The following STPG2 variants were observed in gnomAD, a reference collection of about 807,000 sequenced individuals.
The protein encoded by STPG2 is sperm-tail PG-rich repeat-containing protein 2.
A neutral mutation model predicts 54.2 loss-of-function variants in STPG2; 56 were observed. That is an observed-to-expected ratio of 1.03 (90% confidence interval 0.83 to 1.29). The LOEUF is 1.29. Among genes scored for constraint, STPG2 ranks in the 50% most tolerant of loss-of-function variants. The probability of loss-of-function intolerance (pLI) is 0.00; values close to 1 mark genes in which losing one functional copy is unlikely to be tolerated. For synonymous variants in STPG2, 200 were observed against 181.8 expected, an observed-to-expected ratio of 1.10 and a Z score of -0.81; for missense variants, 596 against 544.9, an observed-to-expected ratio of 1.09 and a Z score of -0.93.
At chr4:98,129,473 CTAAGT>C (rs1313057544) in intron 2 of STPG2, among the ~76,000 whole-genome samples, 2 of 134,290 alleles carry the variant, frequency 1.5e-5, no homozygotes, top group African/African-American at 2.8e-5. Context: ...ATGAATATAG[CTAAGT>C]TATGTGAAAT....
rs953780182 is a variant in STPG2 at position 97,571,402 on chromosome 4, G to A, written c.1321-12285C>T. On this transcript the variant is annotated intron_variant, in intron 10 of 10. Coordinates refer to ENST00000295268, the MANE Select transcript of STPG2 (RefSeq NM_174952.3). ...CCATGAAGGGAAGTGGAGGTCGAAC[G>A]TGCCTCATTATACCTCTACGGCACT... Among the ~76,000 whole-genome samples the A allele has an allele frequency of 1.4e-4, 22 of 152,166 alleles. 1 individual carries two copies. The highest frequency in any genetic ancestry group is 4.8e-4 in the African/African-American group (20 of 41,524).
intron 4 of STPG2, among the ~76,000 whole-genome samples, chr4:97,453,568 T>C (rs912402769): frequency 6.6e-6 from 1 of 152,190 alleles, no homozygotes; most frequent in Non-Finnish European, 1.5e-5. Context: ...GCTGAAATTT[T>C]CAAAGAATTA....
chr4:97,665,026 A>G (rs992781374), intron 10 of STPG2, among the ~76,000 whole-genome samples: 1 of 152,098 alleles, frequency 6.6e-6, no homozygotes. Flanking sequence ...TGGCTGGACC[A>G]GGTGTACTGT....
At chr4:98,064,532 T>C (rs1035084557) in intron 5 of STPG2, among the ~76,000 whole-genome samples, 4 of 152,212 alleles carry the variant, frequency 2.6e-5, no homozygotes, top group African/African-American at 4.8e-5. Flanking sequence ...ACAGATTCCT[T>C]ATATTCAAAC....
chr4:97,814,383 C>A (rs983831215), intron 9 of STPG2, among the ~76,000 whole-genome samples: 1 of 152,092 alleles, frequency 6.6e-6, no homozygotes, highest in Non-Finnish European at 1.5e-5. Flanking sequence ...GGCTGGAGTG[C>A]AGTGGTGCAA....
intron 9 of STPG2, among the ~76,000 whole-genome samples, chr4:97,793,249 A>T (rs777181034): frequency 6.6e-6 from 1 of 152,096 alleles, no homozygotes; most frequent in Non-Finnish European, 1.5e-5. Flanking sequence ...TTTTCTGCTA[A>T]CAACTATGTA....
At chr4:98,019,374 A>G (rs1736091081) in intron 5 of STPG2, among the ~76,000 whole-genome samples, 1 of 152,056 alleles carries the variant, frequency 6.6e-6, no homozygotes, top group South Asian at 2.1e-4. Flanking sequence ...CCATTGATCT[A>G]TATCTCTGTT....
intron 10 of STPG2, among the ~76,000 whole-genome samples, chr4:97,693,638 C>CT (rs915937668): frequency 2.0e-5 from 3 of 152,054 alleles, no homozygotes; most frequent in Admixed American, 6.6e-5. Flanking sequence ...GACAGATGGA[C>CT]TTAAACTGTA....
chr4:97,734,707 T>C (rs1381921670), intron 9 of STPG2, among the ~76,000 whole-genome samples: 1 of 152,110 alleles, frequency 6.6e-6, no homozygotes, highest in Admixed American at 6.6e-5. Flanking sequence ...TGGCAATGAT[T>C]TTTTTGGCTA....
intron 10 of STPG2, among the ~76,000 whole-genome samples, chr4:97,635,736 G>C (rs925442905): frequency 6.6e-6 from 1 of 150,460 alleles, no homozygotes; most frequent in African/African-American, 2.4e-5. Flanking sequence ...GATCGAAAGA[G>C]ACAAAGAAGG....
chr4:98,065,985 T>A (rs886433095), intron 5 of STPG2, among the ~76,000 whole-genome samples: 1 of 151,946 alleles, frequency 6.6e-6, no homozygotes, highest in Non-Finnish European at 1.5e-5. Flanking sequence ...TTTTAATAAT[T>A]TAACATCATT....
chr4:97,812,259 T>C (rs191291259), intron 9 of STPG2, among the ~76,000 whole-genome samples: 20 of 152,210 alleles, frequency 1.3e-4, no homozygotes, highest in African/African-American at 4.8e-4. Flanking sequence ...GGCCTAAGAT[T>C]CAAAAAATTA....
intron 3 of STPG2, among the ~76,000 whole-genome samples, chr4:98,112,474 G>A (rs567845748): frequency 1.2e-4 from 19 of 152,134 alleles, no homozygotes; most frequent in Non-Finnish European, 2.2e-4. Context: ...TTCTTAGGAC[G>A]TATCCCTATC....
intron 8 of STPG2, among the ~76,000 whole-genome samples, chr4:97,882,677 G>A (rs1578652238): frequency 1.3e-5 from 2 of 152,126 alleles, no homozygotes; most frequent in Admixed American, 6.5e-5. Context: ...AAACCTTCTG[G>A]CAATGAACAG....
intron 8 of STPG2, among the ~76,000 whole-genome samples, chr4:97,901,710 T>C (rs186892310): frequency 2.0e-5 from 3 of 152,040 alleles, no homozygotes; most frequent in Admixed American, 2.0e-4. Flanking sequence ...TATTCATGAA[T>C]GTAAAGAATT....
intron 5 of STPG2, among the ~76,000 whole-genome samples, chr4:98,073,026 A>G (rs1738055859): frequency 1.3e-5 from 2 of 152,216 alleles, no homozygotes; most frequent in Non-Finnish European, 2.9e-5. Flanking sequence ...CAGGTGGTTA[A>G]AATGCCTGAA....
chr4:97,609,920 C>G (rs1472762249), intron 10 of STPG2, among the ~76,000 whole-genome samples: 1 of 151,414 alleles, frequency 6.6e-6, no homozygotes, highest in Non-Finnish European at 1.5e-5. Context: ...AAAAACTGAG[C>G]AAAAATGTAT....
intron 8 of STPG2, among the ~76,000 whole-genome samples, chr4:97,855,852 AG>A (rs746673628): frequency 2.6e-5 from 4 of 152,182 alleles, no homozygotes; most frequent in Non-Finnish European, 5.9e-5. Flanking sequence ...ATATGATGTA[AG>A]AAAAAGGTCC....
intron 4 of STPG2, among the ~76,000 whole-genome samples, chr4:97,516,658 T>C (rs1323442114): frequency 6.6e-6 from 1 of 151,784 alleles, no homozygotes; most frequent in Non-Finnish European, 1.5e-5. Context: ...ACCCTGTCTT[T>C]ACTAAAAATA....
Sources: gnomAD v4.1 joint callset for allele counts (sites outside exome capture counted in the v4.1 genomes callset) on GRCh38, gnomAD v4.1.1 for gene constraint, MANE v1.5 for transcripts, NCBI Gene and HGNC (gene_info 2026-07-23, HGNC 2026-07-21) for gene names.